REEP5: variants seen among roughly 807,000 people sequenced by gnomAD.
The protein encoded by REEP5 is receptor expression-enhancing protein 5.
REEP5 carries 24 observed loss-of-function variants against 22.4 expected under a neutral mutation model. That is an observed-to-expected ratio of 1.07 (90% confidence interval 0.78 to 1.51). REEP5 has a LOEUF of 1.51. Among genes scored for constraint, REEP5 ranks in the 40% most tolerant of loss-of-function variants. REEP5 has a pLI of 0.00. For missense variants in REEP5, 252 were observed against 233.0 expected (o/e 1.08, Z -0.53); for synonymous variants, 103 against 88.6 (o/e 1.16, Z -0.92).
intron 3 of REEP5, among the ~76,000 whole-genome samples, chr5:112,899,759 A>C (rs1173415476): frequency 6.6e-6 from 1 of 152,224 alleles, no homozygotes; most frequent in African/African-American, 2.4e-5. Context: ...ATTCAAGTTT[A>C]TACCACTAGG....
intron 2 of REEP5, among the ~76,000 whole-genome samples, chr5:112,903,824 A>G (rs914851998): frequency 6.6e-5 from 10 of 152,182 alleles, no homozygotes; most frequent in Non-Finnish European, 1.5e-4. Flanking sequence ...GTTGCTTTGA[A>G]CTTCAAGACT....
At chr5:112,913,350 A>G (rs1218440636) in intron 2 of REEP5, among the ~76,000 whole-genome samples, 4 of 148,488 alleles carry the variant, frequency 2.7e-5, no homozygotes, top group African/African-American at 1.0e-4. Context: ...GAAAGAAAAG[A>G]AAGAAAGAAA....
At chr5:112,921,682 G>A (rs963405228) in intron 1 of REEP5, 8 of 237,714 alleles carry the variant, frequency 3.4e-5, no homozygotes, top group East Asian at 1.2e-4. Context: ...CGCCCTCTCC[G>A]GGCGGAGCTC....
intron 4 of REEP5, among the ~76,000 whole-genome samples, chr5:112,880,528 C>G (rs1026077643): frequency 1.3e-5 from 2 of 152,208 alleles, no homozygotes; most frequent in African/African-American, 2.4e-5. Flanking sequence ...AATTACTGAA[C>G]CAAGTTCACA....
At chr5:112,901,660 G>A (rs753364700) in intron 3 of REEP5, among the ~76,000 whole-genome samples, 5 of 151,278 alleles carry the variant, frequency 3.3e-5, no homozygotes, top group Non-Finnish European at 5.9e-5. Flanking sequence ...TGCAGTGAGC[G>A]GAGATTGTAC....
chr5:112,903,964 TG>T (rs1310831544), intron 2 of REEP5, among the ~76,000 whole-genome samples: 3 of 152,298 alleles, frequency 2.0e-5, no homozygotes, highest in Admixed American at 6.5e-5. Flanking sequence ...CCCAAGTAGC[TG>T]GTACTACAGG....
chr5:112,889,829 ATT>A (rs35932072), intron 3 of REEP5, among the ~76,000 whole-genome samples: 1 of 139,280 alleles, frequency 7.2e-6, no homozygotes, highest in African/African-American at 2.8e-5. Context: ...GAAAAAAAAA[ATT>A]TTTTTTTTTT....
intron 2 of REEP5, among the ~76,000 whole-genome samples, chr5:112,913,746 C>A (rs1368404166): frequency 6.6e-6 from 1 of 152,094 alleles, no homozygotes; most frequent in African/African-American, 2.4e-5. Flanking sequence ...TGTGGACAGA[C>A]ATCCCTACAC....
chr5:112,890,620 C>T (rs113960156), intron 3 of REEP5, among the ~76,000 whole-genome samples: 10,182 of 150,466 alleles, frequency 0.068, 552 homozygotes, highest in South Asian at 0.14. Flanking sequence ...TCAAGTGATC[C>T]ACCCATCTCA....
chr5:112,921,321 G>A, intron 1 of REEP5, 65 bp from the exon 2 acceptor site: 1 of 1,467,240 alleles, frequency 6.8e-7, no homozygotes, highest in Non-Finnish European at 9.5e-7. Flanking sequence ...GACAGCCGCC[G>A]CCCACACCGC....
chr5:112,896,794 G>A (rs1417210477), intron 3 of REEP5: 4 of 152,132 alleles, frequency 2.6e-5, no homozygotes, highest in Non-Finnish European at 5.9e-5. Flanking sequence ...TTAGCCGGGC[G>A]TGGTTGTGCA....
intron 3 of REEP5, chr5:112,892,426 G>A (rs1436054850): frequency 1.2e-6 from 2 of 1,614,078 alleles, no homozygotes; most frequent in South Asian, 2.2e-5. Context: ...TCAGTTCAAG[G>A]TCAGCTGCAA....
intron 3 of REEP5, chr5:112,892,892 A>G (rs769582500): frequency 6.2e-7 from 1 of 1,611,246 alleles, no homozygotes; most frequent in Non-Finnish European, 8.5e-7. Flanking sequence ...CGCACATCAA[A>G]GAGTCGGGAG....
chr5:112,921,778 C>A (rs1380482486), intron 1 of REEP5: 1 of 294,596 alleles, frequency 3.4e-6, no homozygotes, highest in Non-Finnish European at 6.3e-6. Context: ...CGCAGGACAG[C>A]AGGAATAGGG....
At chr5:112,880,700 G>T (rs1436850485) in intron 4 of REEP5, among the ~76,000 whole-genome samples, 1 of 152,178 alleles carries the variant, frequency 6.6e-6, no homozygotes, top group East Asian at 1.9e-4. Flanking sequence ...AACAAAGTAA[G>T]ATTGGATTTT....
rs747673529 is a variant in REEP5, at chr5:112,892,220, G to A, written c.352-5037C>T. On this transcript the variant is annotated intron_variant, in intron 3 of 4. Coordinates refer to ENST00000379638, the MANE Select transcript of REEP5 (RefSeq NM_005669.5). The stretch of plus-strand genomic sequence containing the variant: ...TGCAGATTTGGAGACAGATGTTCAC[G>A]TAAACATAATTTCCCAACATCTAGT... The A allele has an allele frequency of 3.0e-5, 49 of 1,613,986 alleles. No homozygotes were observed. The East Asian group carries it at 5.1e-4, about 17-fold the overall frequency.
At chr5:112,895,885 T>A (rs1206565599) in intron 3 of REEP5, 1 of 152,228 alleles carries the variant, frequency 6.6e-6, no homozygotes. Context: ...AGCCCACTGC[T>A]GCCTGCAGTT....
At position 112,878,672 on chromosome 5, in the gene REEP5, T is replaced by A; in HGVS notation, c.*114A>T. The A allele has an allele frequency of 6.9e-7, 1 of 1,440,518 alleles. No individual in the cohort carries two copies. Among genetic ancestry groups the A allele is most frequent in the Non-Finnish European group, 9.5e-7 (1 of 1,056,752 alleles). 89.2% of individuals were successfully genotyped at this position (1,440,518 alleles called of 1,614,324 possible). On this transcript the variant is annotated 3_prime_UTR_variant, in exon 5 of 5. Coordinates refer to ENST00000379638, the MANE Select transcript of REEP5 (RefSeq NM_005669.5). ...ACAACACATTCCAATCTTTAATATCTCAAAAATGTTTCCAAGGCAACATTA... is the reference window on the plus strand; with the variant it reads ...ACAACACATTCCAATCTTTAATATCACAAAAATGTTTCCAAGGCAACATTA...
At chr5:112,915,747 C>T (rs1769217409) in intron 2 of REEP5, among the ~76,000 whole-genome samples, 1 of 152,156 alleles carries the variant, frequency 6.6e-6, no homozygotes, top group South Asian at 2.1e-4. Context: ...TTGCTCTGCT[C>T]TTCAACACTT....
Sources: allele counts gnomAD v4.1 joint callset (sites outside exome capture counted in the v4.1 genomes callset), GRCh38; gene constraint gnomAD v4.1.1; transcripts MANE v1.5; gene names NCBI Gene and HGNC (gene_info 2026-07-23, HGNC 2026-07-21).